Variants in OIT3 observed in about 807,000 individuals in gnomAD.
OIT3 encodes the protein oncoprotein-induced transcript 3 protein.
OIT3 carries 41 observed loss-of-function variants against 52.2 expected under a neutral mutation model. The ratio of observed to expected loss-of-function variants is 0.79; its 90% CI spans 0.61 to 1.02. The LOEUF (loss-of-function observed/expected upper bound fraction) is 1.02. Ranked by LOEUF, OIT3 falls within the 50% of genes least tolerant of loss-of-function variation. The probability of loss-of-function intolerance (pLI) is 0.00; values close to 1 mark genes in which losing one functional copy is unlikely to be tolerated. For synonymous variants in OIT3, 244 were observed against 276.9 expected (o/e 0.88, Z 1.18); for missense variants, 634 against 715.5 (o/e 0.89, Z 1.30).
At position 72,900,478 on chromosome 10, in the gene OIT3, T is replaced by G; in HGVS notation, c.538T>G (p.Cys180Gly). 2 of 1,588,312 alleles carry G rather than the reference T, an allele frequency of 1.3e-6. No homozygotes were observed. Among genetic ancestry groups the G allele is most frequent in the South Asian group, 2.2e-5 (2 of 90,334 alleles). The change falls in exon 3 of 9, where the codon TGC (cysteine) becomes GGC (glycine). Residue 180 changes from cysteine (C) to glycine (G), a missense_variant. Coordinates refer to ENST00000334011, the MANE Select transcript of OIT3 (RefSeq NM_152635.3). The stretch of plus-strand genomic sequence containing the variant: ...TGTGCTAGGCCCTGACAGGCAGACA[T>G]GCTTTGGTAAGAAACTCATCAAAGG... ...GTVLGPDRQT[C>G]FDENECEQNN...
intron 4 of OIT3, among the ~76,000 whole-genome samples, chr10:72,911,015 C>T (rs964714793): frequency 3.9e-5 from 6 of 151,994 alleles, no homozygotes; most frequent in African/African-American, 1.5e-4. Flanking sequence ...TTTAAAATCA[C>T]CTTGTAGATT....
chr10:72,911,203 A>G (rs1846025285), intron 4 of OIT3, among the ~76,000 whole-genome samples: 1 of 152,186 alleles, frequency 6.6e-6, no homozygotes, highest in Admixed American at 6.5e-5. Flanking sequence ...ATAGTGTGCT[A>G]TCAGCCCAAA....
intron 7 of OIT3, among the ~76,000 whole-genome samples, chr10:72,929,561 C>A (rs1031306198): frequency 6.6e-6 from 1 of 151,800 alleles, no homozygotes; most frequent in Admixed American, 6.6e-5. Context: ...CAGAGGCATA[C>A]CACCACACTT....
chr10:72,910,499 CA>C (rs1476481384), intron 4 of OIT3, among the ~76,000 whole-genome samples: 1 of 151,506 alleles, frequency 6.6e-6, no homozygotes, highest in South Asian at 2.1e-4. Context: ...ACTAAAAATA[CA>C]AAAACAAAAA....
intron 3 of OIT3, among the ~76,000 whole-genome samples, chr10:72,905,189 G>C (rs1366640346): frequency 3.3e-5 from 5 of 152,158 alleles, no homozygotes. Context: ...CTCAATATGA[G>C]GCCAGGCACT....
intron 1 of OIT3, among the ~76,000 whole-genome samples, chr10:72,896,626 A>G (rs1464370689): frequency 6.6e-6 from 1 of 152,234 alleles, no homozygotes; most frequent in Non-Finnish European, 1.5e-5. Flanking sequence ...AAGTTTAGAG[A>G]GTAAACTTAA....
chr10:72,925,335 A>G (rs145597399), intron 7 of OIT3, among the ~76,000 whole-genome samples: 16 of 152,314 alleles, frequency 1.1e-4, no homozygotes, highest in African/African-American at 2.4e-4. Flanking sequence ...TGCATTATCA[A>G]TTAGACTCAG....
chr10:72,932,333 C>T (rs1564598178), intron 8 of OIT3, 21 bp from the exon 9 acceptor site: 10 of 1,611,816 alleles, frequency 6.2e-6, no homozygotes, highest in Middle Eastern at 1.6e-4. Flanking sequence ...TTTTTATTAA[C>T]AGTCGTGATC....
chr10:72,918,466 T>C, intron 6 of OIT3: 1 of 972,012 alleles, frequency 1.0e-6, no homozygotes, highest in Non-Finnish European at 1.6e-6. Context: ...TTGTCAGCCT[T>C]AATTCACAAC....
intron 6 of OIT3, among the ~76,000 whole-genome samples, chr10:72,923,762 A>G (rs1391032523): frequency 6.6e-6 from 1 of 152,188 alleles, no homozygotes; most frequent in Non-Finnish European, 1.5e-5. Flanking sequence ...ATGCTTTCCT[A>G]GAGTAGGTAT....
At chr10:72,908,102 G>A (rs1845995897) in intron 4 of OIT3, among the ~76,000 whole-genome samples, 1 of 152,088 alleles carries the variant, frequency 6.6e-6, no homozygotes, top group African/African-American at 2.4e-5. Flanking sequence ...AATTAGCTGG[G>A]CGTGGTGGCG....
intron 6 of OIT3, among the ~76,000 whole-genome samples, chr10:72,914,002 C>T (rs1230814299): frequency 2.0e-5 from 3 of 152,086 alleles, no homozygotes; most frequent in Non-Finnish European, 4.4e-5. Flanking sequence ...GGATGAACAG[C>T]GAGACAGATG....
intron 4 of OIT3, among the ~76,000 whole-genome samples, chr10:72,909,041 G>A (rs1225761262): frequency 2.7e-5 from 4 of 150,752 alleles, no homozygotes; most frequent in Admixed American, 6.6e-5. Context: ...CACCCAGATG[G>A]TGAATGTAGT....
In OIT3 at chr10:72,911,840, G is replaced by C. The variant is rs1293293902; in HGVS notation, c.790+1G>C. ...TCTGAGGATAACCACACTTGCCAAG[G>C]TAGTACATGGGGCAGGGGGACTTGT... On this transcript the variant is annotated splice_donor_variant, in intron 5 of 8. Coordinates refer to ENST00000334011, the MANE Select transcript of OIT3 (RefSeq NM_152635.3). LOFTEE classifies it high-confidence loss of function. The C allele has an allele frequency of 6.2e-7, 1 of 1,612,624 alleles. No individual in the cohort carries two copies. Among genetic ancestry groups the C allele is most frequent in the Non-Finnish European group, 8.5e-7 (1 of 1,179,330 alleles).
intron 1 of OIT3, among the ~76,000 whole-genome samples, chr10:72,896,108 AG>A (rs1276942935): frequency 1.3e-5 from 2 of 152,182 alleles, no homozygotes; most frequent in African/African-American, 4.8e-5. Context: ...TCTCCCCTAC[AG>A]CAGGGGAGGA....
intron 6 of OIT3, among the ~76,000 whole-genome samples, chr10:72,923,669 AGGT>A (rs556526802): frequency 2.2e-4 from 33 of 152,110 alleles, no homozygotes; most frequent in South Asian, 8.3e-4. Context: ...CACCTATAGG[AGGT>A]GGCTGGATAC....
intron 7 of OIT3, among the ~76,000 whole-genome samples, chr10:72,925,141 C>T (rs1334515389): frequency 6.9e-6 from 1 of 145,912 alleles, no homozygotes; most frequent in Admixed American, 6.8e-5. Context: ...AAAAAGGCTC[C>T]AAGTGGTCTA....
chr10:72,896,509 C>T (rs1408286761), intron 1 of OIT3, among the ~76,000 whole-genome samples: 1 of 152,130 alleles, frequency 6.6e-6, no homozygotes, highest in Non-Finnish European at 1.5e-5. Flanking sequence ...TGCAACCCTG[C>T]GTGTTATTTC....
At position 72,913,649 on chromosome 10, in the gene OIT3, C is replaced by G. The variant is rs186543717; in HGVS notation, c.951+181C>G. ...GTGTTATTGAGCATCTGCTGTGGTC[C>G]TGGCACTGTGAAGAATTCTGCTATT... is the stretch of plus-strand genomic sequence containing the variant. On this transcript the variant is annotated intron_variant, in intron 6 of 8. Transcript: ENST00000334011. 2.0e-5 allele frequency: 14 copies of G among 694,526 alleles called. No individual in the cohort carries two copies. In the East Asian group the frequency reaches 3.8e-4, roughly 19 times the overall value. 43.0% of individuals were successfully genotyped at this position (694,526 alleles called of 1,614,324 possible). A position where few individuals can be genotyped will look rare whatever the true frequency, so the allele number is the denominator to read the frequency against.
Sources: gnomAD v4.1 joint callset for allele counts (sites outside exome capture counted in the v4.1 genomes callset) on GRCh38, gnomAD v4.1.1 for gene constraint, MANE v1.5 for transcripts, NCBI Gene and HGNC (gene_info 2026-07-23, HGNC 2026-07-21) for gene names.